The following TJP1 variants were observed in gnomAD, a reference collection of about 807,000 sequenced individuals.
TJP1 encodes tight junction protein ZO-1.
A neutral mutation model predicts 194.2 loss-of-function variants in TJP1; 43 were observed. That is an observed-to-expected ratio of 0.22 (90% CI 0.17 to 0.29). The LOEUF (loss-of-function observed/expected upper bound fraction) is 0.29, where lower values mean the gene tolerates loss of function less well. TJP1 is among the 10% of genes least tolerant of loss of function. The pLI, the probability that TJP1 is intolerant of heterozygous loss-of-function variation, is 1.00. For synonymous variants in TJP1, 801 were observed against 779.0 expected (o/e 1.03, Z -0.47); for missense variants, 1,971 against 2,185.7 (o/e 0.90, Z 1.96).
At chr15:29,901,070 G>C (rs1329870395) in intron 2 of TJP1, among the ~76,000 whole-genome samples, 1 of 151,892 alleles carries the variant, frequency 6.6e-6, no homozygotes, top group Non-Finnish European at 1.5e-5. Flanking sequence ...GTGATAAAGA[G>C]GACAGTAGTG....
At chr15:29,907,343 A>G (rs909927139) in intron 2 of TJP1, among the ~76,000 whole-genome samples, 2 of 152,092 alleles carry the variant, frequency 1.3e-5, no homozygotes, top group Non-Finnish European at 2.9e-5. Flanking sequence ...TGGGAGGTGG[A>G]GCTTGTAGTG....
intron 2 of TJP1, among the ~76,000 whole-genome samples, chr15:29,932,056 AC>A (rs1296920213): frequency 6.6e-6 from 1 of 152,094 alleles, no homozygotes; most frequent in African/African-American, 2.4e-5. Flanking sequence ...CTTTACTGCA[AC>A]CTGTTTTATC....
intron 2 of TJP1, among the ~76,000 whole-genome samples, chr15:29,870,366 T>A (rs533643844): frequency 6.6e-6 from 1 of 152,320 alleles, no homozygotes; most frequent in East Asian, 1.9e-4. Flanking sequence ...TTAAGGTTAG[T>A]CCTGTGTGTA....
At chr15:29,900,059 C>T (rs2152193444) in intron 2 of TJP1, among the ~76,000 whole-genome samples, 1 of 151,784 alleles carries the variant, frequency 6.6e-6, no homozygotes, top group Middle Eastern at 3.4e-3. Context: ...AAGGAGGAAA[C>T]TCAGGGTGGG....
rs759329755 is a variant in TJP1 at position 29,719,921 on chromosome 15, A to G, written c.2859T>C (p.Asn953=). The change falls in exon 20 of 28, where the codon AAT becomes AAC. Residue 953 remains asparagine, a synonymous_variant. Coordinates refer to ENST00000614355, the MANE Select transcript of TJP1 (RefSeq NM_001330239.4). The part of the protein sequence containing the change: ...SAVNHNVNLT[N]VRLEEPTPAP... Reference sequence around the variant, plus strand: ...CTGGGGTGGGCTCCTCCAGTCTGACATTAGTTAAATTTACATTATGATTAA... The same window carrying G: ...CTGGGGTGGGCTCCTCCAGTCTGACGTTAGTTAAATTTACATTATGATTAA... 2 of 1,614,166 alleles carry G rather than the reference A, an allele frequency of 1.2e-6. No homozygotes were observed. The highest frequency in any genetic ancestry group is 1.7e-6 in the Non-Finnish European group (2 of 1,180,024).
chr15:29,787,202 C>A (rs1278003222), intron 2 of TJP1, among the ~76,000 whole-genome samples: 2 of 151,988 alleles, frequency 1.3e-5, no homozygotes, highest in Non-Finnish European at 2.9e-5. Context: ...ACAGTTGTAA[C>A]CATCACTGGT....
chr15:29,830,336 TA>T (rs2050799304), intron 2 of TJP1, among the ~76,000 whole-genome samples: 1 of 149,528 alleles, frequency 6.7e-6, no homozygotes, highest in African/African-American at 2.4e-5. Flanking sequence ...GATAAATGTA[TA>T]ATAATTATAT....
At chr15:29,825,373 C>T (rs536645666), upstream of TJP1, among the ~76,000 whole-genome samples, 144 of 152,274 alleles carry the variant, frequency 9.5e-4, no homozygotes, top group African/African-American at 3.4e-3. Context: ...AAATCTCTTT[C>T]GATTGTACAG....
intron 2 of TJP1, among the ~76,000 whole-genome samples, chr15:29,865,668 T>C (rs1596137738): frequency 6.6e-6 from 1 of 152,160 alleles, no homozygotes; most frequent in African/African-American, 2.4e-5. Flanking sequence ...CTGAGGAGGC[T>C]TGGAGCAAGG....
intron 2 of TJP1, among the ~76,000 whole-genome samples, chr15:29,864,005 A>T (rs2052198944): frequency 1.3e-5 from 2 of 152,112 alleles, no homozygotes; most frequent in Non-Finnish European, 2.9e-5. Context: ...TCAACTTCCC[A>T]AAGTTGTTTA....
chr15:29,820,327 T>C (rs1413691214), intron 1 of TJP1, among the ~76,000 whole-genome samples: 1 of 152,148 alleles, frequency 6.6e-6, no homozygotes, highest in Non-Finnish European at 1.5e-5. Flanking sequence ...CACTTATTCA[T>C]TTATGGCCTG....
chr15:29,819,928 T>C (rs1032494254), intron 1 of TJP1, among the ~76,000 whole-genome samples: 1 of 152,174 alleles, frequency 6.6e-6, no homozygotes, highest in Non-Finnish European at 1.5e-5. Context: ...GAATCTGATA[T>C]ACAGTAATAT....
chr15:29,796,769 G>A (rs1367565375), intron 2 of TJP1, among the ~76,000 whole-genome samples: 1 of 152,128 alleles, frequency 6.6e-6, no homozygotes, highest in Non-Finnish European at 1.5e-5. Context: ...TGATTTCCAC[G>A]TTTAATATAA....
At chr15:29,947,515 C>A (rs887611383) in intron 2 of TJP1, among the ~76,000 whole-genome samples, 1 of 152,190 alleles carries the variant, frequency 6.6e-6, no homozygotes, top group Non-Finnish European at 1.5e-5. Context: ...GCAGACCCTG[C>A]TAGTTACCTA....
intron 1 of TJP1, among the ~76,000 whole-genome samples, chr15:29,808,123 C>T (rs987576174): frequency 1.3e-5 from 2 of 152,112 alleles, no homozygotes; most frequent in Non-Finnish European, 2.9e-5. Flanking sequence ...CAAAAATTAG[C>T]CAGGCATGGG....
At chr15:29,811,956 T>C (rs994036231) in intron 1 of TJP1, among the ~76,000 whole-genome samples, 1 of 152,232 alleles carries the variant, frequency 6.6e-6, no homozygotes, top group African/African-American at 2.4e-5. Flanking sequence ...AATTCCTATA[T>C]GCCTCCTCTC....
At position 29,733,252 on chromosome 15, in the gene TJP1, T is replaced by C. The variant is rs2043791184; in HGVS notation, c.1578A>G (p.Glu526=). The change falls in exon 13 of 28, where the codon GAA becomes GAG. Residue 526 remains glutamate, a synonymous_variant. Coordinates refer to ENST00000614355, the MANE Select transcript of TJP1 (RefSeq NM_001330239.4). ...GTCCATAGGGAGATTCCTTTTCATATTCAAAATGGGTTCTAATATAGAAAG... is the reference window on the plus strand; with the variant it reads ...GTCCATAGGGAGATTCCTTTTCATACTCAAAATGGGTTCTAATATAGAAAG... ...GDSFYIRTHF[E]YEKESPYGLS... The C allele has an allele frequency of 1.2e-6, 2 of 1,614,052 alleles. No individual in the cohort carries two copies. The highest frequency in any genetic ancestry group is 2.2e-5 in the South Asian group (2 of 91,072).
intron 18 of TJP1, among the ~76,000 whole-genome samples, chr15:29,722,237 C>G (rs772653507): frequency 1.3e-5 from 2 of 152,304 alleles, no homozygotes; most frequent in African/African-American, 4.8e-5. Flanking sequence ...TATGCGGCAG[C>G]CCCTCCCATC....
At chr15:29,753,483 CAAAAAAA>C (rs34221786) in intron 8 of TJP1, among the ~76,000 whole-genome samples, 9 of 47,938 alleles carry the variant, frequency 1.9e-4, no homozygotes, top group Admixed American at 1.1e-3. Flanking sequence ...GACTCTGTGT[CAAAAAAA>C]AAAAAAAAAA....
Sources: allele counts gnomAD v4.1 joint callset (sites outside exome capture counted in the v4.1 genomes callset), GRCh38; gene constraint gnomAD v4.1.1; transcripts MANE v1.5; gene names NCBI Gene and HGNC (gene_info 2026-07-23, HGNC 2026-07-21).